NUFIP2: variants seen among roughly 807,000 people sequenced by gnomAD.
NUFIP2 encodes FMR1-interacting protein NUFIP2.
Under a neutral mutation model 56.9 loss-of-function variants are expected in NUFIP2, and 6 were observed. That is an observed-to-expected ratio of 0.11 (90% CI 0.06 to 0.21). The LOEUF is 0.21. Ranked by LOEUF, NUFIP2 falls within the 10% of genes least tolerant of loss-of-function variation. NUFIP2 has a pLI of 1.00. For synonymous variants in NUFIP2, 321 were observed against 298.2 expected (o/e 1.08, Z -0.79); for missense variants, 828 against 826.8 (o/e 1.00, Z -0.02).
intron 2 of NUFIP2, among the ~76,000 whole-genome samples, chr17:29,271,523 C>T (rs1019172213): frequency 7.5e-5 from 11 of 147,494 alleles, no homozygotes; most frequent in African/African-American, 2.8e-4. Flanking sequence ...GGCGAAAGAG[C>T]AAGACTCCGT....
rs371502651 is a variant in NUFIP2, at chr17:29,287,555, C to T, written c.439G>A (p.Ala147Thr). 2.5e-5 allele frequency: 40 copies of T among 1,614,064 alleles called. No individual in the cohort carries two copies. The African/African-American group carries it at 4.5e-4, about 18-fold the overall frequency. Residue 147 changes from alanine to threonine, a missense_variant, in exon 2 of 4, where the codon GCA becomes ACA. Physicochemically the swap from Ala to Thr is moderately conservative, Grantham distance 58 (BLOSUM62 0). Transcript: ENST00000225388. ...ATGAAATTCTTGGTTTTAATTCCTG[C>T]TTTCCCAAAGGTGTTGGCCTTTACA... ...QTVKANTFGK[A>T]GIKTKNFIQK...
chr17:29,279,743 G>A (rs1432695247), intron 2 of NUFIP2, among the ~76,000 whole-genome samples: 1 of 152,042 alleles, frequency 6.6e-6, no homozygotes, highest in African/African-American at 2.4e-5. Context: ...TCAAACTCCT[G>A]AGCTCAAGTG....
At position 29,286,369 on chromosome 17, in the gene NUFIP2, GCAGGATATTCTCCTT is replaced by G. The variant is rs748479612; in HGVS notation, c.1610_1624del (p.Gln537_Ala542delinsPro). 1.6e-5 allele frequency: 26 copies of G among 1,614,048 alleles called. No homozygotes were observed. The highest frequency in any genetic ancestry group is 2.0e-5 in the Non-Finnish European group (24 of 1,180,038). On this transcript the variant is annotated inframe_deletion, in exon 2 of 4. Transcript: ENST00000225388. ...TTCAGCACCCTGTGAAACCAAAGTA[GCAGGATATTCTCCTT>G]GAAATGTCACCTCCATCACTTTATG...
chr17:29,268,520 T>C (rs2069052275), intron 2 of NUFIP2, among the ~76,000 whole-genome samples: 1 of 152,004 alleles, frequency 6.6e-6, no homozygotes, highest in Admixed American at 6.6e-5. Flanking sequence ...TATTTATTTA[T>C]TTATTTTTAC....
Position 29,287,631 on chromosome 17 carries a change from G to C in NUFIP2, c.363C>G (p.Ser121=), listed in dbSNP as rs766432878. 1.2e-6 allele frequency: 2 copies of C among 1,613,758 alleles called. No individual in the cohort carries two copies. Among genetic ancestry groups the C allele is most frequent in the African/African-American group, 2.7e-5 (2 of 74,942 alleles). The change falls in exon 2 of 4, where the codon TCC becomes TCG. Residue 121 remains serine (S), a synonymous_variant. Transcript: ENST00000225388. ...CTTGCTGGTTGCCATTGAGGACCCT[G>C]GAAATAGGGTTGGTGGCTTCATCAG... ...LSSDEATNPI[S]RVLNGNQQVV... is the part of the protein sequence containing the mutation.
rs2068989103 is a variant in NUFIP2 at position 29,259,438 on chromosome 17, G to C, written c.*5101C>G. 1 of 152,102 alleles carries C rather than the reference G, an allele frequency of 6.6e-6. No homozygotes were observed. The highest frequency in any genetic ancestry group is 1.5e-5 in the Non-Finnish European group (1 of 68,084). 9.4% of individuals were successfully genotyped at this position (152,102 alleles called of 1,614,324 possible). On this transcript the variant is annotated 3_prime_UTR_variant, in exon 4 of 4. Transcript: ENST00000225388. ...CTCTACTAAGAATACAAATTAGCCAGGTGTGGTGGTGTGCGCCCGTAATCC... is the reference window on the plus strand; with the variant it reads ...CTCTACTAAGAATACAAATTAGCCACGTGTGGTGGTGTGCGCCCGTAATCC...
At chr17:29,292,810 C>T (rs890321187) in intron 1 of NUFIP2, among the ~76,000 whole-genome samples, 4 of 149,170 alleles carry the variant, frequency 2.7e-5, no homozygotes, top group African/African-American at 9.7e-5. Context: ...CCCCAACCGC[C>T]CCCGCCCCTC....
Position 29,287,245 on chromosome 17 carries a change from C to G in NUFIP2, c.749G>C (p.Ser250Thr), listed in dbSNP as rs201121312. Residue 250 changes from serine (S) to threonine (T), a missense_variant, in exon 2 of 4, where the codon AGT becomes ACT. Transcript: ENST00000225388. ...AAGTCCCTGTTTTAAGGTTGGGACACTGGTCTCTTGTTGCATTATTTTGTC... is the reference window on the plus strand; with the variant it reads ...AAGTCCCTGTTTTAAGGTTGGGACAGTGGTCTCTTGTTGCATTATTTTGTC... Reference protein sequence around the residue: ...VQDKIMQQETSVPTLKQGLET... With the variant: ...VQDKIMQQETTVPTLKQGLET... 1 of 1,614,172 alleles carries G rather than the reference C, an allele frequency of 6.2e-7. No homozygotes were observed. Among genetic ancestry groups the G allele is most frequent in the African/African-American group, 1.3e-5 (1 of 75,046 alleles).
At chr17:29,282,501 CTG>C (rs1380163113) in intron 2 of NUFIP2, among the ~76,000 whole-genome samples, 1 of 150,744 alleles carries the variant, frequency 6.6e-6, no homozygotes, top group Non-Finnish European at 1.5e-5. Flanking sequence ...TGAGCCAAGA[CTG>C]TGACACTGCA....
chr17:29,269,831 T>C (rs1427884481), intron 2 of NUFIP2, among the ~76,000 whole-genome samples: 11 of 152,122 alleles, frequency 7.2e-5, no homozygotes, highest in African/African-American at 2.4e-5. Flanking sequence ...CGCCATTCTC[T>C]TGCCTCAGCT....
rs777170392 is a variant in NUFIP2, at chr17:29,287,636, T to C, written c.358A>G (p.Ile120Val). ...NLSSDEATNP[I>V]SRVLNGNQQV... ...TGGTTGCCATTGAGGACCCTGGAAA[T>C]AGGGTTGGTGGCTTCATCAGAACTC... Residue 120 changes from isoleucine (I) to valine (V), a missense_variant, in exon 2 of 4, where the codon ATT (isoleucine) becomes GTT (valine). Transcript: ENST00000225388. 6.2e-6 allele frequency: 10 copies of C among 1,613,940 alleles called. No homozygotes were observed. Among genetic ancestry groups the C allele is most frequent in the Non-Finnish European group, 8.5e-6 (10 of 1,179,932 alleles).
At chr17:29,290,510 A>C (rs940346868) in intron 1 of NUFIP2, among the ~76,000 whole-genome samples, 4 of 151,738 alleles carry the variant, frequency 2.6e-5, no homozygotes, top group African/African-American at 9.7e-5. Flanking sequence ...AGAAAAAAAA[A>C]ATCAGCTGGG....
At position 29,287,254 on chromosome 17, in the gene NUFIP2, T is replaced by C. The variant is rs1378345404; in HGVS notation, c.740A>G (p.Gln247Arg). Reference sequence around the variant, plus strand: ...TTTTAAGGTTGGGACACTGGTCTCTTGTTGCATTATTTTGTCCTGCACTAT... The same window carrying C: ...TTTTAAGGTTGGGACACTGGTCTCTCGTTGCATTATTTTGTCCTGCACTAT... Reference protein sequence around the residue: ...LNIVQDKIMQQETSVPTLKQG... With the variant: ...LNIVQDKIMQRETSVPTLKQG... Residue 247 changes from glutamine to arginine, a missense_variant, in exon 2 of 4, where the codon CAA becomes CGA. Gln to Arg is a conservative substitution (Grantham distance 43, BLOSUM62 1). This residue lies in a region of NUFIP2 where 415 missense variants were observed against 408.7 expected (regional missense o/e 1.02). Coordinates refer to ENST00000225388, the MANE Select transcript of NUFIP2 (RefSeq NM_020772.3). 6.2e-7 allele frequency: 1 copy of C among 1,614,112 alleles called. No homozygotes were observed. The highest frequency in any genetic ancestry group is 8.5e-7 in the Non-Finnish European group (1 of 1,180,044).
chr17:29,265,993 G>A (rs372237235), intron 3 of NUFIP2, among the ~76,000 whole-genome samples: 1 of 151,884 alleles, frequency 6.6e-6, no homozygotes, highest in Non-Finnish European at 1.5e-5. Flanking sequence ...TTTTTCAGAC[G>A]AAGTTTCGTT....
intron 1 of NUFIP2, among the ~76,000 whole-genome samples, chr17:29,291,924 T>C (rs2069216233): frequency 6.7e-6 from 1 of 150,122 alleles, no homozygotes; most frequent in Non-Finnish European, 1.5e-5. Context: ...AGTTACAATC[T>C]GCAATAAAAA....
chr17:29,267,523 T>C lies in NUFIP2; in HGVS notation c.2010A>G (p.Glu670=), dbSNP rs1352160109. ...AAIVYHTKEM[E]SIWNLQKQDP... is the part of the protein sequence containing the mutation. ...CTTGCTTCTGCAAATTCCAAATAGATTCCATTTCTGCAAAGAAAAAAAGAG... is the reference window on the plus strand; with the variant it reads ...CTTGCTTCTGCAAATTCCAAATAGACTCCATTTCTGCAAAGAAAAAAAGAG... Residue 670 remains glutamate, a synonymous_variant, in exon 3 of 4, where the codon GAA becomes GAG. Transcript: ENST00000225388. 2 of 1,538,562 alleles carry C rather than the reference T, an allele frequency of 1.3e-6. No individual in the cohort carries two copies. Among genetic ancestry groups the C allele is most frequent in the South Asian group, 2.3e-5 (2 of 87,586 alleles).
intron 2 of NUFIP2, among the ~76,000 whole-genome samples, chr17:29,273,015 A>AATATATATAT (rs3085674): frequency 2.1e-5 from 3 of 145,190 alleles, no homozygotes; most frequent in Non-Finnish European, 3.0e-5. Context: ...AGGCCCAGCT[A>AATATATATAT]ATATATATAT....
rs2069184053 is a variant in NUFIP2 at position 29,287,380 on chromosome 17, T to G, written c.614A>C (p.Lys205Thr). ...TCCACTACCATCATTATCTGCTCCT[T>G]TACCCATATAACCATTAGTAATATA... ...SGYITNGYMG[K>T]GADNDGSGSE... Residue 205 changes from lysine (K) to threonine (T), a missense_variant, in exon 2 of 4, where the codon AAA becomes ACA. Lys to Thr is a moderately conservative substitution (Grantham distance 78, BLOSUM62 -1). Transcript: ENST00000225388. 1.9e-6 allele frequency: 3 copies of G among 1,614,034 alleles called. No individual in the cohort carries two copies. The highest frequency in any genetic ancestry group is 2.5e-6 in the Non-Finnish European group (3 of 1,180,010).
chr17:29,279,969 C>A (rs1300535463), intron 2 of NUFIP2, among the ~76,000 whole-genome samples: 3 of 152,114 alleles, frequency 2.0e-5, no homozygotes, highest in Admixed American at 6.6e-5. Context: ...CAGGCCTGCA[C>A]CACTATGCCT....
Sources: allele counts gnomAD v4.1 joint callset (sites outside exome capture counted in the v4.1 genomes callset), GRCh38; gene constraint gnomAD v4.1.1; regional missense constraint gnomAD v4.1.1; transcripts MANE v1.5; gene names NCBI Gene and HGNC (gene_info 2026-07-23, HGNC 2026-07-21).